Variants in DNER observed in about 807,000 individuals in gnomAD.
DNER encodes the protein delta and Notch-like epidermal growth factor-related receptor.
In DNER, 33 loss-of-function variants were observed where a neutral mutation model predicts 78.2. That is an observed-to-expected ratio of 0.42 (90% CI 0.32 to 0.56). The LOEUF is 0.56. DNER is among the 20% of genes least tolerant of loss of function. The pLI, the probability that DNER is intolerant of heterozygous loss-of-function variation, is 0.11. For missense variants in DNER, 918 were observed against 975.3 expected, an observed-to-expected ratio of 0.94 and a Z score of 0.78; for synonymous variants, 417 against 384.8, an observed-to-expected ratio of 1.08 and a Z score of -0.98.
chr2:229,491,045 C>A (rs1695387486), intron 6 of DNER, among the ~76,000 whole-genome samples: 1 of 152,182 alleles, frequency 6.6e-6, no homozygotes, highest in Non-Finnish European at 1.5e-5. Context: ...CCAGTTCATG[C>A]CCTCAGTGGC....
chr2:229,452,138 T>C (rs1694471090), intron 7 of DNER, among the ~76,000 whole-genome samples: 1 of 152,210 alleles, frequency 6.6e-6, no homozygotes, highest in African/African-American at 2.4e-5. Context: ...TTTTCATTAT[T>C]TATATCTCTA....
intron 11 of DNER, among the ~76,000 whole-genome samples, chr2:229,370,520 G>A (rs1319990671): frequency 1.3e-5 from 2 of 152,186 alleles, no homozygotes; most frequent in African/African-American, 4.8e-5. Context: ...ATGGAAGGGA[G>A]AAGGTGTTTG....
intron 5 of DNER, among the ~76,000 whole-genome samples, chr2:229,529,041 C>G (rs1696257288): frequency 1.3e-5 from 2 of 152,132 alleles, no homozygotes; most frequent in African/African-American, 4.8e-5. Context: ...ATGGATTGTT[C>G]TTCTGGTAGA....
At chr2:229,678,216 T>TA (rs1432493654) in intron 1 of DNER, among the ~76,000 whole-genome samples, 2 of 152,130 alleles carry the variant, frequency 1.3e-5, no homozygotes, top group African/African-American at 2.4e-5. Context: ...CCTAATTTAC[T>TA]AAAAAACCCT....
chr2:229,436,465 TAC>T (rs1694121311), intron 8 of DNER, among the ~76,000 whole-genome samples: 1 of 152,140 alleles, frequency 6.6e-6, no homozygotes, highest in South Asian at 2.1e-4. Context: ...TATGAAATAC[TAC>T]AAAAGAAGGC....
At chr2:229,682,331 G>T (rs1382069655) in intron 1 of DNER, among the ~76,000 whole-genome samples, 1 of 152,170 alleles carries the variant, frequency 6.6e-6, no homozygotes, top group Non-Finnish European at 1.5e-5. Flanking sequence ...AAGAACTTCA[G>T]AAGACTCAAT....
intron 1 of DNER, among the ~76,000 whole-genome samples, chr2:229,651,508 A>G (rs547117577): frequency 4.1e-4 from 62 of 152,266 alleles, no homozygotes; most frequent in Non-Finnish European, 6.3e-4. Flanking sequence ...GGTCTCAGAG[A>G]AAGCAGAATT....
intron 4 of DNER, among the ~76,000 whole-genome samples, chr2:229,570,976 T>A (rs548064546): frequency 1.3e-5 from 2 of 152,020 alleles, no homozygotes. Flanking sequence ...ATGAGAGCCA[T>A]TGCAGGATTG....
chr2:229,543,718 T>G (rs115558135), intron 5 of DNER, among the ~76,000 whole-genome samples: 2,952 of 152,258 alleles, frequency 0.019, 88 homozygotes, highest in African/African-American at 0.068. Context: ...TGGCTTTTCT[T>G]AGTCTCTCAC....
At chr2:229,615,400 A>C (rs1475829508) in intron 1 of DNER, among the ~76,000 whole-genome samples, 2 of 138,540 alleles carry the variant, frequency 1.4e-5, no homozygotes, top group African/African-American at 5.5e-5. Context: ...CACAAGAGCA[A>C]AACTCCGTCT....
intron 1 of DNER, among the ~76,000 whole-genome samples, chr2:229,601,862 A>G (rs1697831576): frequency 6.6e-6 from 1 of 152,172 alleles, no homozygotes; most frequent in Admixed American, 6.5e-5. Flanking sequence ...AGCTGCAGAT[A>G]TATCAAGAAT....
intron 8 of DNER, among the ~76,000 whole-genome samples, chr2:229,439,027 A>G (rs1163803195): frequency 6.6e-6 from 1 of 152,178 alleles, no homozygotes; most frequent in African/African-American, 2.4e-5. Flanking sequence ...TGTCATGGGC[A>G]GAGAAATGAC....
intron 8 of DNER, among the ~76,000 whole-genome samples, chr2:229,428,394 T>C (rs1693929734): frequency 6.6e-6 from 1 of 151,744 alleles, no homozygotes; most frequent in Admixed American, 6.6e-5. Flanking sequence ...ATGTGAAGGG[T>C]GAGAAGGAAG....
intron 5 of DNER, among the ~76,000 whole-genome samples, chr2:229,544,061 G>T (rs1409588247): frequency 6.7e-6 from 1 of 149,728 alleles, no homozygotes; most frequent in African/African-American, 2.5e-5. Context: ...TCTAAAAATT[G>T]AATTAAAATT....
At chr2:229,525,095 T>G (rs1316177463) in intron 5 of DNER, among the ~76,000 whole-genome samples, 1 of 152,200 alleles carries the variant, frequency 6.6e-6, no homozygotes, top group Non-Finnish European at 1.5e-5. Flanking sequence ...CTCTTTCACA[T>G]GTGTGGTTCA....
At chr2:229,546,709 C>G (rs1696631368) in intron 5 of DNER, among the ~76,000 whole-genome samples, 1 of 152,176 alleles carries the variant, frequency 6.6e-6, no homozygotes, top group African/African-American at 2.4e-5. Context: ...GCACTCCAGC[C>G]TGGGCAACAG....
chr2:229,519,734 G>A lies in DNER; in HGVS notation c.994-6798C>T, dbSNP rs146294588. ...GTGGGGAGGCCCTTCACCCTTAAGG[G>A]CATCTGCTAGGTCAAAACTCTGGCT... is the stretch of plus-strand genomic sequence containing the variant. On this transcript the variant is annotated intron_variant, in intron 5 of 12. Coordinates refer to ENST00000341772, the MANE Select transcript of DNER (RefSeq NM_139072.4). Among the ~76,000 whole-genome samples the A allele has an allele frequency of 2.5e-4, 38 of 152,270 alleles. 1 individual carries two copies. The highest frequency in any genetic ancestry group is 8.2e-4 in the African/African-American group (34 of 41,552).
chr2:229,692,046 G>A (rs1168614642), intron 1 of DNER, among the ~76,000 whole-genome samples: 3 of 152,226 alleles, frequency 2.0e-5, no homozygotes, highest in Admixed American at 1.3e-4. Context: ...AAGAAATGAA[G>A]AGACTCATGG....
chr2:229,685,338 G>A (rs2154217244), intron 1 of DNER, among the ~76,000 whole-genome samples: 2 of 152,330 alleles, frequency 1.3e-5, no homozygotes, highest in Middle Eastern at 3.4e-3. Context: ...TGAATTTGTG[G>A]TTGGAGTCAA....
Sources: allele counts gnomAD v4.1 joint callset (sites outside exome capture counted in the v4.1 genomes callset), GRCh38; gene constraint gnomAD v4.1.1; transcripts MANE v1.5; gene names NCBI Gene and HGNC (gene_info 2026-07-23, HGNC 2026-07-21).